Variants in FGFR3 observed in about 807,000 individuals in gnomAD.
FGFR3 encodes fibroblast growth factor receptor 3, also known as FGFR-3.
A neutral mutation model predicts 82.9 loss-of-function variants in FGFR3; 25 were observed. The observed-to-expected ratio is 0.30, with a 90% CI of 0.22 to 0.42. The LOEUF (loss-of-function observed/expected upper bound fraction) is 0.42. Ranked by LOEUF, FGFR3 falls within the 10% of genes least tolerant of loss-of-function variation. FGFR3 has a pLI of 1.00. For synonymous variants in FGFR3, 620 were observed against 516.0 expected (o/e 1.20, Z -2.73); for missense variants, 1,026 against 1,161.0 (o/e 0.88, Z 1.69).
intron 4 of FGFR3, 126 bp downstream of exon 4, chr4:1,799,938 T>C: frequency 9.6e-7 from 1 of 1,038,780 alleles, no homozygotes; most frequent in East Asian, 2.5e-5. Context: ...ACCCCGAAGG[T>C]CTGGTCCCCT....
chr4:1,807,570 G>T lies in FGFR3; in HGVS notation c.*308G>T, dbSNP rs547734987. The T allele has an allele frequency of 1.4e-6, 1 of 696,978 alleles. No individual in the cohort carries two copies. The highest frequency in any genetic ancestry group is 1.8e-5 in the Admixed American group (1 of 55,884). The allele number at this position is 696,978 out of a possible 1,614,324, so 43.2% of individuals were successfully genotyped here. On this transcript the variant is annotated 3_prime_UTR_variant, in exon 18 of 18. Transcript: ENST00000440486. ...GGGACCCAGTGCAGAATGTAAGTGG[G>T]CCCACCCGGTGGGACCCCCGTGGGG...
intron 2 of FGFR3, among the ~76,000 whole-genome samples, chr4:1,794,980 C>G (rs1577255845): frequency 6.6e-6 from 1 of 151,608 alleles, no homozygotes; most frequent in Non-Finnish European, 1.5e-5. Flanking sequence ...CTCGGCGGCT[C>G]GCGGGGAGGT....
At chr4:1,803,153 T>TGCTCGCTCCCGCCCC (rs987014854) in intron 7 of FGFR3, 15 of 1,364,302 alleles carry the variant, frequency 1.1e-5, no homozygotes, top group Non-Finnish European at 1.4e-5. Context: ...CGCCCAGCCC[T>TGCTCGCTCCCGCCCC]GCTCGCTCCC....
chr4:1,805,985 C>G (rs1329716648), intron 13 of FGFR3, 45 bp downstream of exon 13: 1 of 1,610,494 alleles, frequency 6.2e-7, no homozygotes, highest in South Asian at 1.1e-5. Flanking sequence ...GGGCCCTGCC[C>G]TGAGATGCTG....
intron 4 of FGFR3, 51 bp downstream of exon 4, chr4:1,799,863 C>T: frequency 6.3e-7 from 1 of 1,592,676 alleles, no homozygotes; most frequent in Non-Finnish European, 8.6e-7. Context: ...CCCGCTGCCA[C>T]CGCCAAGCCC....
Position 1,807,744 on chromosome 4 carries a change from G to A in FGFR3, c.*482G>A, listed in dbSNP as rs574504441. Reference sequence around the variant, plus strand: ...TTGTGCCTGGGGTGTTAGTGGCACCGCCTCCCCACCTCCAGGCTTTCCCAC... The same window carrying A: ...TTGTGCCTGGGGTGTTAGTGGCACCACCTCCCCACCTCCAGGCTTTCCCAC... On this transcript the variant is annotated 3_prime_UTR_variant, in exon 18 of 18. Transcript: ENST00000440486. 1.6e-4 allele frequency: 95 copies of A among 589,650 alleles called. No individual in the cohort carries two copies. The East Asian group carries it at 2.5e-3, about 16-fold the overall frequency. The allele number at this position is 589,650 out of a possible 1,614,324, so 36.5% of individuals were successfully genotyped here.
chr4:1,794,670 G>C (rs1379820070), intron 2 of FGFR3, among the ~76,000 whole-genome samples: 1 of 152,158 alleles, frequency 6.6e-6, no homozygotes, highest in African/African-American at 2.4e-5. Context: ...TGGCGGTCCA[G>C]GTCCCGCGGG....
At position 1,806,315 on chromosome 4, in the gene FGFR3, A is replaced by G; in HGVS notation, c.2018A>G (p.His673Arg). 2 of 1,613,026 alleles carry G rather than the reference A, an allele frequency of 1.2e-6. No homozygotes were observed. The highest frequency in any genetic ancestry group is 1.7e-6 in the Non-Finnish European group (2 of 1,179,964). Residue 673 changes from histidine to arginine, a missense_variant, in exon 15 of 18, where the codon CAC becomes CGC. Around this residue, in one of 9 missense-constraint regions of FGFR3, gnomAD observed 45 missense variants for 80.8 expected, o/e 0.56. Coordinates refer to ENST00000440486, the MANE Select transcript of FGFR3 (RefSeq NM_000142.5). Reference sequence around the variant, plus strand: ...GCCTTGTTTGACCGAGTCTACACTCACCAGAGTGACGTGTACGTGTCCTGC... The same window carrying G: ...GCCTTGTTTGACCGAGTCTACACTCGCCAGAGTGACGTGTACGTGTCCTGC... ...PEALFDRVYT[H>R]QSDVWSFGVL...
rs111451609 is a variant in FGFR3, at chr4:1,800,757, G to A, written c.446-610G>A. On this transcript the variant is annotated intron_variant, in intron 4 of 17. Coordinates refer to ENST00000440486, the MANE Select transcript of FGFR3 (RefSeq NM_000142.5). ...CCTTGCCTGGAGTCCCGGCAGGAAGGCAGCACCAGCCCTGAGGAAGGAGAA... is the reference window on the plus strand; with the variant it reads ...CCTTGCCTGGAGTCCCGGCAGGAAGACAGCACCAGCCCTGAGGAAGGAGAA... Among the ~76,000 whole-genome samples, 501 of 152,314 alleles carry A rather than the reference G, an allele frequency of 3.3e-3. 2 individuals carry two copies. The highest frequency in any genetic ancestry group is 0.011 in the African/African-American group (475 of 41,552).
Position 1,804,893 on chromosome 4 carries a change from G to A in FGFR3, c.1336G>A (p.Gly446Arg). The stretch of plus-strand genomic sequence containing the variant: ...GGTGCGCATCGCAAGGCTGTCCTCA[G>A]GGGAGGGCCCCACGCTGGCCAATGT... The part of the protein sequence containing the change: ...PLVRIARLSS[G>R]EGPTLANVSE... Residue 446 changes from glycine to arginine, a missense_variant, in exon 10 of 18, where the codon GGG (glycine) becomes AGG (arginine). By Grantham distance (125) the Gly-to-Arg change is moderately radical. Around this residue, in one of 9 missense-constraint regions of FGFR3, gnomAD observed 256 missense variants for 217.6 expected, o/e 1.18. Transcript: ENST00000440486. 1 of 1,550,054 alleles carries A rather than the reference G, an allele frequency of 6.5e-7. No homozygotes were observed. Among genetic ancestry groups the A allele is most frequent in the Non-Finnish European group, 8.7e-7 (1 of 1,146,926 alleles).
chr4:1,804,697 T>TA, intron 9 of FGFR3, 127 bp from the exon 10 acceptor site: 8 of 1,441,930 alleles, frequency 5.5e-6, no homozygotes, highest in Non-Finnish European at 7.6e-6. Context: ...CGAAACATTC[T>TA]AAAAATCTTC....
rs370123504 is a variant in FGFR3 at position 1,803,845 on chromosome 4, T to C, written c.1075+9T>C. On this transcript the variant is annotated intron_variant, in intron 8 of 17. Transcript: ENST00000440486. ...GCTGGTGGTGCTGCCAGGTACCGGC[T>C]TCTGCTGCTGCTGCTGCTCCGCACT... The C allele has an allele frequency of 3.1e-6, 5 of 1,612,890 alleles. No individual in the cohort carries two copies. The highest frequency in any genetic ancestry group is 1.3e-5 in the African/African-American group (1 of 75,054).
Position 1,806,919 on chromosome 4 carries a change from C to G in FGFR3, c.2259C>G (p.Thr753=). 1 of 1,609,292 alleles carries G rather than the reference C, an allele frequency of 6.2e-7. No homozygotes were observed. The highest frequency in any genetic ancestry group is 8.5e-7 in the Non-Finnish European group (1 of 1,178,580). ...QLVEDLDRVL[T]VTSTDEYLDL... ...TGGAGGACCTGGACCGTGTCCTTAC[C>G]GTGACGTCCACCGACGTGAGTGCTG... The change falls in exon 17 of 18, where the codon ACC becomes ACG. Residue 753 remains threonine, a synonymous_variant. Coordinates refer to ENST00000440486, the MANE Select transcript of FGFR3 (RefSeq NM_000142.5).
At chr4:1,798,108 A>G (rs893474079) in intron 2 of FGFR3, among the ~76,000 whole-genome samples, 14 of 151,834 alleles carry the variant, frequency 9.2e-5, no homozygotes, top group African/African-American at 2.9e-4. Context: ...TTGTCCCCCC[A>G]GCCCTGCCCA....
intron 17 of FGFR3, 89 bp downstream of exon 17, chr4:1,807,023 G>C (rs2108816023): frequency 1.3e-6 from 2 of 1,551,246 alleles, no homozygotes; most frequent in Non-Finnish European, 1.7e-6. Flanking sequence ...GCTGAGGTGT[G>C]GGGCGGGCCT....
In FGFR3 at chr4:1,804,965, G is replaced by T. The variant is rs1030209496; in HGVS notation, c.1408G>T (p.Ala470Ser). Residue 470 changes from alanine to serine, a missense_variant, in exon 10 of 18, where the codon GCC becomes TCC. This residue lies in a region of FGFR3 where 22 missense variants were observed against 52.8 expected (regional missense o/e 0.42). Transcript: ENST00000440486. ...CGACCCCAAATGGGAGCTGTCTCGGGCCCGGTCAGTGGTGCTGAGGGCCAG... is the reference window on the plus strand; with the variant it reads ...CGACCCCAAATGGGAGCTGTCTCGGTCCCGGTCAGTGGTGCTGAGGGCCAG... The part of the protein sequence containing the change: ...PADPKWELSR[A>S]RLTLGKPLGE... 1.9e-6 allele frequency: 3 copies of T among 1,549,650 alleles called. No individual in the cohort carries two copies. The African/African-American group carries it at 4.1e-5, about 21-fold the overall frequency.
At chr4:1,794,976 G>A (rs1273565077) in intron 2 of FGFR3, among the ~76,000 whole-genome samples, 2 of 151,684 alleles carry the variant, frequency 1.3e-5, no homozygotes, top group East Asian at 1.9e-4. Flanking sequence ...GCGGCTCGGC[G>A]GCTCGCGGGG....
chr4:1,796,906 G>A (rs1720581910), intron 2 of FGFR3, among the ~76,000 whole-genome samples: 1 of 152,184 alleles, frequency 6.6e-6, no homozygotes, highest in South Asian at 2.1e-4. Context: ...TGAGGTACAG[G>A]ACCAGTGAGT....
rs777921453 is a variant in FGFR3, at chr4:1,807,485, C to T, written c.*223C>T. 2 of 743,400 alleles carry T rather than the reference C, an allele frequency of 2.7e-6. No individual in the cohort carries two copies. The highest frequency in any genetic ancestry group is 2.7e-5 in the East Asian group (1 of 37,354). The allele number at this position is 743,400 out of a possible 1,614,324, so 46.1% of individuals were successfully genotyped here. On this transcript the variant is annotated 3_prime_UTR_variant, in exon 18 of 18. Transcript: ENST00000440486. ...AGGTGCAGAGGTACCCTGGGTGTCC[C>T]CGCTGCTGTGCAACGGTCTCCTGAC...
Sources: allele counts gnomAD v4.1 joint callset (sites outside exome capture counted in the v4.1 genomes callset), GRCh38; gene constraint gnomAD v4.1.1; regional missense constraint gnomAD v4.1.1; transcripts MANE v1.5; gene names NCBI Gene and HGNC (gene_info 2026-07-23, HGNC 2026-07-21).